Variants in AHI1 observed in about 807,000 individuals in gnomAD.
AHI1 encodes Abelson helper integration site 1.
Under a neutral mutation model 149.3 loss-of-function variants are expected in AHI1, and 123 were observed. The observed-to-expected ratio is 0.82, with a 90% CI of 0.71 to 0.96. The LOEUF (loss-of-function observed/expected upper bound fraction) is 0.96, where lower values mean the gene tolerates loss of function less well. Among genes scored for constraint, AHI1 ranks in the 40% least tolerant of loss-of-function variants. The probability of loss-of-function intolerance (pLI) is 0.00; values close to 1 mark genes in which losing one functional copy is unlikely to be tolerated. For synonymous variants in AHI1, 475 were observed against 459.8 expected (o/e 1.03, Z -0.42); for missense variants, 1,439 against 1,422.7 (o/e 1.01, Z -0.18).
intron 14 of AHI1, among the ~76,000 whole-genome samples, chr6:135,439,161 C>A (rs113640393): frequency 1.3e-5 from 2 of 152,170 alleles, no homozygotes; most frequent in Non-Finnish European, 2.9e-5. Context: ...TAACAGCAGT[C>A]CCCCCTTATG....
At chr6:135,442,879 A>C (rs1017571138) in intron 13 of AHI1, among the ~76,000 whole-genome samples, 165 bp from the exon 14 acceptor site, 3 of 152,214 alleles carry the variant, frequency 2.0e-5, no homozygotes, top group African/African-American at 7.2e-5. Flanking sequence ...CTTTGTAAAA[A>C]GAGAATCAGT....
At chr6:135,316,773 T>A (rs566622416) in intron 26 of AHI1, among the ~76,000 whole-genome samples, 3 of 152,146 alleles carry the variant, frequency 2.0e-5, no homozygotes, top group Non-Finnish European at 2.9e-5. Context: ...CTAATTCTCA[T>A]TTGATTTTGA....
In AHI1 at chr6:135,489,669, C is replaced by T. The variant is rs368983194; in HGVS notation, c.135+954G>A. ...TAATCTGTCCATTCTGTCAGTAGTT[C>T]GAAATTTTTGTGCAGTCGTACACCA... is the stretch of plus-strand genomic sequence containing the variant. On this transcript the variant is annotated intron_variant, in intron 5 of 28. Coordinates refer to ENST00000265602, the MANE Select transcript of AHI1 (RefSeq NM_001134831.2). Among the ~76,000 whole-genome samples, 139 of 152,160 alleles carry T rather than the reference C, an allele frequency of 9.1e-4. 1 individual carries two copies. The South Asian group carries it at 0.025, about 27-fold the overall frequency.
Position 135,406,131 on chromosome 6 carries a change from C to A in AHI1, c.2962-1154G>T, listed in dbSNP as rs146167885. Reference sequence around the variant, plus strand: ...ACTGCATGTTGCTGCCACAGCAATACCTAAAAGCATTCTGCAACCTAGGTA... The same window carrying A: ...ACTGCATGTTGCTGCCACAGCAATAACTAAAAGCATTCTGCAACCTAGGTA... On this transcript the variant is annotated intron_variant, in intron 21 of 28. Coordinates refer to ENST00000265602, the MANE Select transcript of AHI1 (RefSeq NM_001134831.2). 4.9e-4 allele frequency among the ~76,000 whole-genome samples: 74 copies of A among 152,224 alleles called. 1 individual carries two copies. Among genetic ancestry groups the A allele is most frequent in the African/African-American group, 1.7e-3 (69 of 41,556 alleles).
chr6:135,352,874 T>C (rs1792373956), intron 24 of AHI1, among the ~76,000 whole-genome samples: 1 of 150,564 alleles, frequency 6.6e-6, no homozygotes, highest in Non-Finnish European at 1.5e-5. Context: ...CAGTGCTAGG[T>C]ATGGTACTAT....
At chr6:135,347,458 T>G (rs954104281) in intron 24 of AHI1, among the ~76,000 whole-genome samples, 1 of 152,218 alleles carries the variant, frequency 6.6e-6, no homozygotes, top group Admixed American at 6.5e-5. Context: ...AGAGTTAATA[T>G]TTTTGGCTCA....
At chr6:135,300,758 G>T in intron 26 of AHI1, 200 bp from the exon 27 acceptor site, 2 of 1,131,050 alleles carry the variant, frequency 1.8e-6, no homozygotes, top group Non-Finnish European at 1.1e-6. Flanking sequence ...CAAGGAAGTA[G>T]TTCTCCAGAG....
intron 24 of AHI1, among the ~76,000 whole-genome samples, chr6:135,333,410 T>C (rs994260833): frequency 6.6e-6 from 1 of 152,176 alleles, no homozygotes; most frequent in African/African-American, 2.4e-5. Context: ...TCTAGCATCA[T>C]GTGGTAGAAA....
intron 21 of AHI1, among the ~76,000 whole-genome samples, chr6:135,405,871 A>G (rs1263694133): frequency 6.6e-6 from 1 of 151,356 alleles, no homozygotes; most frequent in Non-Finnish European, 1.5e-5. Flanking sequence ...AAAAAAAAAA[A>G]AAAGAAAAAA....
At chr6:135,395,813 T>A (rs1437119850) in intron 22 of AHI1, among the ~76,000 whole-genome samples, 1 of 151,744 alleles carries the variant, frequency 6.6e-6, no homozygotes, top group African/African-American at 2.4e-5. Context: ...AACAAAATGA[T>A]AATTTATGGC....
intron 23 of AHI1, among the ~76,000 whole-genome samples, chr6:135,384,418 A>G (rs920037562): frequency 6.6e-6 from 1 of 152,216 alleles, no homozygotes; most frequent in Admixed American, 6.5e-5. Flanking sequence ...CTGAAATGAA[A>G]TAATAACTTG....
At chr6:135,406,919 A>T (rs1780875321) in intron 21 of AHI1, among the ~76,000 whole-genome samples, 1 of 152,218 alleles carries the variant, frequency 6.6e-6, no homozygotes, top group African/African-American at 2.4e-5. Flanking sequence ...GGATGCACTG[A>T]TAAAATCAAA....
intron 27 of AHI1, among the ~76,000 whole-genome samples, chr6:135,298,568 C>T (rs1361393295): frequency 6.6e-6 from 1 of 152,170 alleles, no homozygotes; most frequent in East Asian, 1.9e-4. Flanking sequence ...AGTGTTTCCA[C>T]CATCAACTCG....
intron 24 of AHI1, among the ~76,000 whole-genome samples, chr6:135,327,899 G>A (rs1162244508): frequency 6.6e-6 from 1 of 152,140 alleles, no homozygotes; most frequent in East Asian, 1.9e-4. Flanking sequence ...TTCATAGATC[G>A]CTCTACGTAT....
intron 10 of AHI1, among the ~76,000 whole-genome samples, chr6:135,455,257 T>C (rs1788741656): frequency 6.6e-6 from 1 of 152,176 alleles, no homozygotes; most frequent in Admixed American, 6.5e-5. Context: ...CTGACTCCAC[T>C]GACCCGCCAC....
intron 15 of AHI1, among the ~76,000 whole-genome samples, chr6:135,434,266 A>G (rs1364317451): frequency 6.6e-6 from 1 of 152,060 alleles, no homozygotes; most frequent in East Asian, 1.9e-4. Context: ...ACAATATAGG[A>G]TATGATCTTC....
intron 26 of AHI1, among the ~76,000 whole-genome samples, chr6:135,312,920 A>T (rs920119213): frequency 2.0e-5 from 3 of 151,926 alleles, no homozygotes; most frequent in Admixed American, 6.6e-5. Context: ...GTTCTTTCTT[A>T]AAAAAAAGTG....
At chr6:135,439,641 GAA>G (rs1261069453) in intron 14 of AHI1, among the ~76,000 whole-genome samples, 1 of 152,194 alleles carries the variant, frequency 6.6e-6, no homozygotes, top group East Asian at 1.9e-4. Context: ...TGTGAAGAAC[GAA>G]AAAGAGGTTT....
intron 11 of AHI1, among the ~76,000 whole-genome samples, chr6:135,452,606 CTTCCCA>C (rs1429989184): frequency 6.6e-6 from 1 of 152,170 alleles, no homozygotes; most frequent in African/African-American, 2.4e-5. Flanking sequence ...CCCACAGTGG[CTTCCCA>C]TTGCTCTTTA....
Sources: allele counts gnomAD v4.1 joint callset (sites outside exome capture counted in the v4.1 genomes callset), GRCh38; gene constraint gnomAD v4.1.1; transcripts MANE v1.5; gene names NCBI Gene and HGNC (gene_info 2026-07-23, HGNC 2026-07-21).